RGS22: variants seen among roughly 807,000 people sequenced by gnomAD.
The protein encoded by RGS22 is regulator of G protein signaling 22, also known as regulator of G-protein signaling 22.
RGS22 carries 148 observed loss-of-function variants against 172.9 expected under a neutral mutation model. That is an observed-to-expected ratio of 0.86 (90% CI 0.75 to 0.98). RGS22 has a LOEUF of 0.98. Ranked by LOEUF, RGS22 falls within the 50% of genes least tolerant of loss-of-function variation. The probability of loss-of-function intolerance (pLI) is 0.00; values close to 1 mark genes in which losing one functional copy is unlikely to be tolerated. For missense variants in RGS22, 1,347 were observed against 1,440.8 expected (o/e 0.93, Z 1.05); for synonymous variants, 458 against 480.2 (o/e 0.95, Z 0.60).
chr8:100,034,220 C>T (rs190035229), intron 14 of RGS22, among the ~76,000 whole-genome samples: 2,907 of 152,220 alleles, frequency 0.019, 84 homozygotes, highest in East Asian at 0.11. Flanking sequence ...AAAACCCCAT[C>T]ATCTCAGCCC....
At chr8:100,018,307 T>C (rs1182129828) in intron 14 of RGS22, among the ~76,000 whole-genome samples, 1 of 151,296 alleles carries the variant, frequency 6.6e-6, no homozygotes, top group Non-Finnish European at 1.5e-5. Flanking sequence ...GAACTGTCAA[T>C]ATTACTCGAG....
Position 99,999,242 on chromosome 8 carries a change from G to T in RGS22, c.2949+20C>A. 6.2e-7 allele frequency: 1 copy of T among 1,606,852 alleles called. No homozygotes were observed. The highest frequency in any genetic ancestry group is 2.2e-5 in the East Asian group (1 of 44,546). On this transcript the variant is annotated intron_variant, in intron 19 of 27. Coordinates refer to ENST00000360863, the MANE Select transcript of RGS22 (RefSeq NM_015668.5). ...GAGGTACTGACAACTGCTATCAAAA[G>T]ATTATACTAATTTATATACCTTTAT... is the stretch of plus-strand genomic sequence containing the variant.
rs559024295 is a variant in RGS22 at position 100,064,049 on chromosome 8, T to A, written c.725-6A>T. ...ATCATCAAAGATAAAATTCTCTGTA[T>A]TAAGTCATAAAAAGCTATTAGATTA... On this transcript the variant is annotated splice_polypyrimidine_tract_variant and splice_region_variant and intron_variant, in intron 7 of 27. Coordinates refer to ENST00000360863, the MANE Select transcript of RGS22 (RefSeq NM_015668.5). The A allele has an allele frequency of 2.6e-5, 39 of 1,491,518 alleles. No individual in the cohort carries two copies. In the South Asian group the frequency reaches 5.4e-4, roughly 21 times the overall value. The allele number at this position is 1,491,518 out of a possible 1,614,324, so 92.4% of individuals were successfully genotyped here. A position where few individuals can be genotyped will look rare whatever the true frequency, so the allele number is the denominator to read the frequency against.
chr8:99,981,594 T>C (rs1812552674), intron 22 of RGS22, among the ~76,000 whole-genome samples: 1 of 152,152 alleles, frequency 6.6e-6, no homozygotes, highest in African/African-American at 2.4e-5. Flanking sequence ...TTCAGTCACA[T>C]ATGCAAAGAT....
intron 3 of RGS22, among the ~76,000 whole-genome samples, chr8:100,083,520 A>G (rs1377886198): frequency 1.3e-5 from 2 of 151,656 alleles, no homozygotes; most frequent in African/African-American, 4.9e-5. Context: ...GGCACACACC[A>G]CCATGCCAAG....
At chr8:100,103,736 G>GA (rs1813686507) in intron 2 of RGS22, among the ~76,000 whole-genome samples, 1 of 152,040 alleles carries the variant, frequency 6.6e-6, no homozygotes, top group Admixed American at 6.6e-5. Flanking sequence ...CATGAGAAAA[G>GA]AAAAAGAGAA....
chr8:99,988,414 C>T (rs1813340120), intron 20 of RGS22, among the ~76,000 whole-genome samples: 1 of 152,002 alleles, frequency 6.6e-6, no homozygotes, highest in African/African-American at 2.4e-5. Context: ...ACATATTCAA[C>T]CCCATTTAGC....
chr8:99,977,322 T>G (rs1812079011), intron 23 of RGS22, among the ~76,000 whole-genome samples: 1 of 146,684 alleles, frequency 6.8e-6, no homozygotes, highest in Admixed American at 7.0e-5. Context: ...GGGGTTTCAC[T>G]GTGTTGCCCA....
At chr8:100,009,440 A>G (rs1338069945) in intron 14 of RGS22, among the ~76,000 whole-genome samples, 1 of 146,590 alleles carries the variant, frequency 6.8e-6, no homozygotes, top group East Asian at 1.9e-4. Flanking sequence ...AAAAAAAAAA[A>G]AAAAGAGTGA....
chr8:99,965,485 T>C (rs974228662), intron 23 of RGS22, 55 bp from the exon 24 acceptor site: 6 of 1,269,294 alleles, frequency 4.7e-6, no homozygotes, highest in Non-Finnish European at 6.7e-6. Context: ...TATGTTAATA[T>C]AAACTTATGG....
chr8:99,983,079 T>C (rs558475080), intron 21 of RGS22, among the ~76,000 whole-genome samples: 5 of 152,312 alleles, frequency 3.3e-5, no homozygotes, highest in African/African-American at 9.6e-5. Context: ...TTTCCTGCAT[T>C]AATTCTCTTA....
In RGS22 at chr8:100,016,692, G is replaced by A. The variant is rs955907628; in HGVS notation, c.2167-8123C>T. Among the ~76,000 whole-genome samples, 9 of 152,246 alleles carry A rather than the reference G, an allele frequency of 5.9e-5. No homozygotes were observed. The East Asian group carries it at 1.7e-3, about 29-fold the overall frequency. On this transcript the variant is annotated intron_variant, in intron 14 of 27. Coordinates refer to ENST00000360863, the MANE Select transcript of RGS22 (RefSeq NM_015668.5). ...CTCAGGAGGCTGAGGTAGGAGAATG[G>A]CGTGAACCCGGGAGGCGGAGCTTGC...
At position 100,037,886 on chromosome 8, in the gene RGS22, T is replaced by C. The variant is rs574430735; in HGVS notation, c.2166+1045A>G. ...TTTCATGATTTCATGGAGACAGATA[T>C]GGGCTATGTAGGGGCTGAAGCCCTT... On this transcript the variant is annotated intron_variant, in intron 14 of 27. Transcript: ENST00000360863. 1.2e-4 allele frequency among the ~76,000 whole-genome samples: 19 copies of C among 152,256 alleles called. No individual in the cohort carries two copies. The East Asian group carries it at 1.9e-3, about 15-fold the overall frequency.
intron 7 of RGS22, among the ~76,000 whole-genome samples, chr8:100,064,419 T>C (rs1810392142): frequency 6.6e-6 from 1 of 151,674 alleles, no homozygotes; most frequent in Non-Finnish European, 1.5e-5. Flanking sequence ...GCTGGGAGCA[T>C]ACCACTGCAC....
At chr8:100,044,250 G>T (rs181017039) in intron 11 of RGS22, among the ~76,000 whole-genome samples, 1 of 152,202 alleles carries the variant, frequency 6.6e-6, no homozygotes, top group African/African-American at 2.4e-5. Flanking sequence ...TTTTTTGTTT[G>T]TTCGTTTGTT....
chr8:99,967,583 G>A (rs1161438135), intron 23 of RGS22, among the ~76,000 whole-genome samples: 1 of 152,218 alleles, frequency 6.6e-6, no homozygotes, highest in Non-Finnish European at 1.5e-5. Flanking sequence ...TGAGTAGGCA[G>A]TTCTCCCCTC....
At chr8:100,016,407 A>T (rs1478598268) in intron 14 of RGS22, among the ~76,000 whole-genome samples, 2 of 152,098 alleles carry the variant, frequency 1.3e-5, no homozygotes, top group Non-Finnish European at 2.9e-5. Flanking sequence ...CGTTTATTGA[A>T]TTATTGTCAC....
intron 22 of RGS22, among the ~76,000 whole-genome samples, chr8:99,981,241 G>C (rs1341522947): frequency 5.7e-4 from 87 of 152,260 alleles, no homozygotes; most frequent in Non-Finnish European, 1.3e-4. Context: ...ATCTTAAAAA[G>C]AAGTAACTTG....
intron 2 of RGS22, among the ~76,000 whole-genome samples, chr8:100,098,753 G>GTC (rs1038213547): frequency 6.7e-6 from 1 of 149,656 alleles, no homozygotes; most frequent in Non-Finnish European, 1.5e-5. Flanking sequence ...CCTTCTCTCT[G>GTC]TCTCTCTCTC....
Sources: gnomAD v4.1 joint callset for allele counts (sites outside exome capture counted in the v4.1 genomes callset) on GRCh38, gnomAD v4.1.1 for gene constraint, MANE v1.5 for transcripts, NCBI Gene and HGNC (gene_info 2026-07-23, HGNC 2026-07-21) for gene names.